WSB2: variants seen among roughly 807,000 people sequenced by gnomAD.
The protein encoded by WSB2 is WD repeat and SOCS box containing 2.
Under a neutral mutation model 48.8 loss-of-function variants are expected in WSB2, and 12 were observed. The observed-to-expected ratio is 0.25, with a 90% confidence interval of 0.16 to 0.40. The LOEUF (loss-of-function observed/expected upper bound fraction) is 0.40, where lower values mean the gene tolerates loss of function less well. Ranked by LOEUF, WSB2 falls within the 10% of genes least tolerant of loss-of-function variation. WSB2 has a pLI of 1.00. For synonymous variants in WSB2, 191 were observed against 203.1 expected (o/e 0.94, Z 0.51); for missense variants, 317 against 506.2 (o/e 0.63, Z 3.59).
At chr12:118,035,377 C>G in intron 6 of WSB2, 53 bp from the exon 7 acceptor site, 1 of 1,510,654 alleles carries the variant, frequency 6.6e-7, no homozygotes, top group Non-Finnish European at 9.2e-7. Context: ...TGCTCTCCAC[C>G]CTCCATCATC....
intron 2 of WSB2, 139 bp downstream of exon 2, chr12:118,052,171 G>T: frequency 8.1e-7 from 1 of 1,231,658 alleles, no homozygotes. Context: ...TACAGAACTT[G>T]GGGCTCTGGA....
intron 2 of WSB2, among the ~76,000 whole-genome samples, chr12:118,045,094 T>C (rs557783529): frequency 6.6e-6 from 1 of 152,278 alleles, no homozygotes; most frequent in South Asian, 2.1e-4. Flanking sequence ...GAATTTTAAC[T>C]GGCCGGGTGC....
intron 8 of WSB2, 56 bp from the exon 9 acceptor site, chr12:118,034,414 G>A: frequency 2.5e-6 from 4 of 1,594,662 alleles, no homozygotes; most frequent in Non-Finnish European, 3.4e-6. Flanking sequence ...ATGTTTTCAT[G>A]AGGATGAATA....
At chr12:118,045,067 T>C (rs1294650471) in intron 2 of WSB2, among the ~76,000 whole-genome samples, 1 of 152,210 alleles carries the variant, frequency 6.6e-6, no homozygotes, top group Non-Finnish European at 1.5e-5. Context: ...GTCAATTGTG[T>C]GGTGAAATAC....
At position 118,034,125 on chromosome 12, in the gene WSB2, C is replaced by G; in HGVS notation, c.*71G>C. 1 of 1,584,024 alleles carries G rather than the reference C, an allele frequency of 6.3e-7. No individual in the cohort carries two copies. The highest frequency in any genetic ancestry group is 8.6e-7 in the Non-Finnish European group (1 of 1,156,698). On this transcript the variant is annotated 3_prime_UTR_variant, in exon 9 of 9. Transcript: ENST00000315436. ...TTCAATGCAAGACCAGATGTTTGGC[C>G]CATTATTCCAGCAACTCCCTTTGAC...
Position 118,043,248 on chromosome 12 carries a change from G to A in WSB2, c.312C>T (p.Ser104=). 6.2e-7 allele frequency: 1 copy of A among 1,614,202 alleles called. No individual in the cohort carries two copies. Among genetic ancestry groups the A allele is most frequent in the Non-Finnish European group, 8.5e-7 (1 of 1,180,028 alleles). ...VWGLAFSPWP[S]PPSRKLWARH... is the part of the protein sequence containing the mutation. ...GTGCCCAGAGCTTCCTGCTGGGTGG[G>A]GAAGGCCACGGGCTGAAGGCCAGCC... The change falls in exon 3 of 9, where the codon TCC becomes TCT. Residue 104 remains serine, a synonymous_variant. Transcript: ENST00000315436.
chr12:118,045,105 G>T (rs781016549), intron 2 of WSB2, among the ~76,000 whole-genome samples: 1 of 152,152 alleles, frequency 6.6e-6, no homozygotes, highest in Non-Finnish European at 1.5e-5. Flanking sequence ...GGCCGGGTGC[G>T]GTGGCTCATG....
intron 8 of WSB2, chr12:118,034,615 G>A (rs149901700): frequency 6.5e-5 from 29 of 446,482 alleles, no homozygotes; most frequent in African/African-American, 5.8e-4. Context: ...TTCTAAATCT[G>A]ACCACAGTTA....
In WSB2 at chr12:118,034,165, T is replaced by G; in HGVS notation, c.*31A>C. 6.2e-7 allele frequency: 1 copy of G among 1,613,414 alleles called. No individual in the cohort carries two copies. On this transcript the variant is annotated 3_prime_UTR_variant, in exon 9 of 9. Transcript: ENST00000315436. ...CTCCCTTTGACAGGACGATTTACCC[T>G]GCTACAAAGAAGCACAAGATGTGGT... is the stretch of plus-strand genomic sequence containing the variant.
intron 1 of WSB2, 176 bp from the exon 2 acceptor site, chr12:118,052,654 T>TGAGTAACCGTGGTGG: frequency 1.1e-6 from 1 of 910,946 alleles, no homozygotes; most frequent in Non-Finnish European, 1.6e-6. Flanking sequence ...CCACCACGGT[T>TGAGTAACCGTGGTGG]ACTCAATCCT....
chr12:118,035,151 C>T, intron 7 of WSB2, 58 bp from the exon 8 acceptor site: 2 of 1,611,944 alleles, frequency 1.2e-6, no homozygotes, highest in Non-Finnish European at 1.7e-6. Context: ...ACCAAGAGGG[C>T]CTTGCTGCCA....
At chr12:118,045,093 C>T (rs992767323) in intron 2 of WSB2, among the ~76,000 whole-genome samples, 2 of 152,122 alleles carry the variant, frequency 1.3e-5, no homozygotes, top group East Asian at 1.9e-4. Flanking sequence ...AGAATTTTAA[C>T]TGGCCGGGTG....
Position 118,037,541 on chromosome 12 carries a change from G to A in WSB2, c.660+747C>T, listed in dbSNP as rs951776927. 1.0e-3 allele frequency among the ~76,000 whole-genome samples: 158 copies of A among 151,972 alleles called. 1 individual carries two copies. The highest frequency in any genetic ancestry group is 3.6e-3 in the African/African-American group (149 of 41,474). On this transcript the variant is annotated intron_variant, in intron 5 of 8. Coordinates refer to ENST00000315436, the MANE Select transcript of WSB2 (RefSeq NM_018639.5). ...AAATTAGCCAGGCGTGGTGTAGCACGCCTATAATCCCAGCTACTCGGGAGG... is the reference window on the plus strand; with the variant it reads ...AAATTAGCCAGGCGTGGTGTAGCACACCTATAATCCCAGCTACTCGGGAGG...
At position 118,058,113 on chromosome 12, in the gene WSB2, T is replaced by C. The variant is rs561792508; in HGVS notation, c.13+2923A>G. Among the ~76,000 whole-genome samples the C allele has an allele frequency of 7.2e-5, 11 of 152,172 alleles. No individual in the cohort carries two copies. The East Asian group carries it at 1.9e-3, about 27-fold the overall frequency. Reference sequence around the variant, plus strand: ...TCAGGCTGAATGGAAAGGTATATATTATAAGCCTCTTCTAGGCAAAGCAGT... The same window carrying C: ...TCAGGCTGAATGGAAAGGTATATATCATAAGCCTCTTCTAGGCAAAGCAGT... On this transcript the variant is annotated intron_variant, in intron 1 of 8. Transcript: ENST00000315436.
Position 118,042,832 on chromosome 12 carries a change from TTC to T in WSB2, c.559+7_559+8del. ...TGGAGTTGCCGAGTAGTTCCTTCAC[TTC>T]CCATACCGTGTTTATTCAGGTCCCA... On this transcript the variant is annotated splice_region_variant and intron_variant, in intron 4 of 8. Transcript: ENST00000315436. 1 of 1,613,330 alleles carries T rather than the reference TTC, an allele frequency of 6.2e-7. No individual in the cohort carries two copies. The highest frequency in any genetic ancestry group is 8.5e-7 in the Non-Finnish European group (1 of 1,179,710).
intron 5 of WSB2, among the ~76,000 whole-genome samples, chr12:118,037,404 C>T (rs374117858): frequency 2.0e-5 from 3 of 151,970 alleles, no homozygotes; most frequent in Non-Finnish European, 4.4e-5. Flanking sequence ...CGGTGGCTCA[C>T]GCCTGCAATC....
At chr12:118,042,716 C>CTTA (rs2031662351) in intron 4 of WSB2, 125 bp downstream of exon 4, 36 of 1,486,986 alleles carry the variant, frequency 2.4e-5, no homozygotes, top group Non-Finnish European at 3.1e-5. Flanking sequence ...TAAAAGGCTC[C>CTTA]TTAAGGGGCA....
rs1593477473 is a variant in WSB2, at chr12:118,060,629, G to A, written c.13+407C>T. Among the ~76,000 whole-genome samples the A allele has an allele frequency of 6.6e-6, 1 of 152,112 alleles. No homozygotes were observed. The highest frequency in any genetic ancestry group is 2.4e-5 in the African/African-American group (1 of 41,432). ...ATCACACAGCTTGTGAGGGACAGAG[G>A]TGACTCCCATCCAGACATGCAAGTG... On this transcript the variant is annotated intron_variant, in intron 1 of 8. Coordinates refer to ENST00000315436, the MANE Select transcript of WSB2 (RefSeq NM_018639.5). This position sits in a 1 kb window ranked among gnomAD's most constrained non-coding sequence, Gnocchi z 4.1.
chr12:118,054,217 C>A (rs1057396491), intron 1 of WSB2, among the ~76,000 whole-genome samples: 5,146 of 55,806 alleles, frequency 0.092, 167 homozygotes, highest in South Asian at 0.2. Context: ...ACTAAAAATC[C>A]AAAAAAAAAA....
Sources: allele counts gnomAD v4.1 joint callset (sites outside exome capture counted in the v4.1 genomes callset), GRCh38; gene constraint gnomAD v4.1.1; non-coding constraint Gnocchi (gnomAD v3.1); transcripts MANE v1.5; gene names NCBI Gene and HGNC (gene_info 2026-07-23, HGNC 2026-07-21).